Variants in PPCS observed in about 807,000 individuals in gnomAD.
PPCS encodes phosphopantothenate--cysteine ligase.
PPCS carries 17 observed loss-of-function variants against 24.6 expected under a neutral mutation model. That is an observed-to-expected ratio of 0.69 (90% CI 0.47 to 1.04). The LOEUF (loss-of-function observed/expected upper bound fraction) is 1.04. PPCS is among the 50% of genes least tolerant of loss of function. The pLI is 0.00. For synonymous variants in PPCS, 190 were observed against 168.3 expected, an observed-to-expected ratio of 1.13 and a Z score of -1.00; for missense variants, 360 against 402.8, an observed-to-expected ratio of 0.89 and a Z score of 0.91.
In PPCS at chr1:42,456,554, G is replaced by C. The variant is rs1053024871; in HGVS notation, c.-12G>C. ...CGCGAAACGTGCGCAGGCGCCGGCCGCTGCGCTGCAGATGGCGGAAATGGA... is the reference window on the plus strand; with the variant it reads ...CGCGAAACGTGCGCAGGCGCCGGCCCCTGCGCTGCAGATGGCGGAAATGGA... On this transcript the variant is annotated 5_prime_UTR_variant, in exon 1 of 3. Transcript: ENST00000372561. 6.9e-7 allele frequency: 1 copy of C among 1,458,408 alleles called. No homozygotes were observed. The highest frequency in any genetic ancestry group is 9.0e-7 in the Non-Finnish European group (1 of 1,107,878). The allele number at this position is 1,458,408 out of a possible 1,614,324, so 90.3% of individuals were successfully genotyped here.
chr1:42,473,161 AAAG>A (rs1643823953), exon 3 of PPCS: 1 of 1,230,570 alleles, frequency 8.1e-7, no homozygotes, highest in African/African-American at 1.6e-5. Flanking sequence ...CCATCTTGAA[AAAG>A]AAGAAATCAA....
At chr1:42,466,126 GAAAATAGAAGAAAGAAA>G, downstream of PPCS, among the ~76,000 whole-genome samples, 1 of 152,294 alleles carries the variant, frequency 6.6e-6, no homozygotes, top group East Asian at 1.9e-4. Flanking sequence ...GAAAGGAGTG[GAAAATAGAAGAAAGAAA>G]GGTTACAGTG....
chr1:42,467,660 C>T (rs1643632542), intron 2 of PPCS: 1 of 152,204 alleles, frequency 6.6e-6, no homozygotes, highest in African/African-American at 2.4e-5. Context: ...AGCTTATAGC[C>T]TCTTCTCTGG....
At chr1:42,458,806 G>C (rs72950589) in intron 2 of PPCS, among the ~76,000 whole-genome samples, 1 of 152,188 alleles carries the variant, frequency 6.6e-6, no homozygotes, top group Non-Finnish European at 1.5e-5. Flanking sequence ...GGTACTAGGA[G>C]TTTTGGTCAA....
At chr1:42,458,351 T>G (rs1643298855) in intron 2 of PPCS, among the ~76,000 whole-genome samples, 1 of 152,160 alleles carries the variant, frequency 6.6e-6, no homozygotes, top group African/African-American at 2.4e-5. Context: ...TGATTTTAGA[T>G]TTTTGGAACC....
intron 2 of PPCS, among the ~76,000 whole-genome samples, chr1:42,466,328 G>A (rs1643580970): frequency 6.6e-6 from 1 of 152,052 alleles, no homozygotes; most frequent in Admixed American, 6.5e-5. Flanking sequence ...TACCTACCAG[G>A]AGAAAAAACA....
rs561964772 is a variant in PPCS at position 42,459,552 on chromosome 1, G to T, written c.613-51G>T. On this transcript the variant is annotated intron_variant, in intron 2 of 2. Coordinates refer to ENST00000372561, the MANE Select transcript of PPCS (RefSeq NM_024664.4). Reference sequence around the variant, plus strand: ...CCTTAGTTTCCCATGAGATTGACCTGGTAGGTAATGACCATTGTTTGCTTA... The same window carrying T: ...CCTTAGTTTCCCATGAGATTGACCTTGTAGGTAATGACCATTGTTTGCTTA... 18 of 1,432,534 alleles carry T rather than the reference G, an allele frequency of 1.3e-5. No individual in the cohort carries two copies. The East Asian group carries it at 3.9e-4, about 31-fold the overall frequency. The allele number at this position is 1,432,534 out of a possible 1,614,324, so 88.7% of individuals were successfully genotyped here.
Position 42,457,333 on chromosome 1 carries a change from T to G in PPCS, c.595T>G (p.Ser199Ala), listed in dbSNP as rs1210831782. 1 of 1,614,110 alleles carries G rather than the reference T, an allele frequency of 6.2e-7. No homozygotes were observed. The highest frequency in any genetic ancestry group is 8.5e-7 in the Non-Finnish European group (1 of 1,179,952). The change falls in exon 2 of 3, where the codon TCT becomes GCT. Residue 199 changes from serine (S) to alanine (A), a missense_variant. Coordinates refer to ENST00000372561, the MANE Select transcript of PPCS (RefSeq NM_024664.4). ...AATGCCTGAACACAAGATCCAGTCA[T>G]CTGGGGGCCCACTGCAGGTGATGGG... ...SEMPEHKIQS[S>A]GGPLQITMKM...
At chr1:42,456,444 G>C (rs1643182780), upstream of PPCS, 2 of 1,050,446 alleles carry the variant, frequency 1.9e-6, no homozygotes, top group Non-Finnish European at 1.3e-6. Context: ...TCGGGACCTA[G>C]TGTCAAAAGA....
At chr1:42,464,461 G>A (rs1199971944), downstream of PPCS, among the ~76,000 whole-genome samples, 1 of 152,188 alleles carries the variant, frequency 6.6e-6, no homozygotes, top group Non-Finnish European at 1.5e-5. Context: ...TTTCTGGAGA[G>A]GAGATGATTG....
downstream of PPCS, among the ~76,000 whole-genome samples, chr1:42,465,347 T>C (rs1254145566): frequency 1.3e-5 from 2 of 151,848 alleles, no homozygotes. Flanking sequence ...GGACAGTTTT[T>C]TTTGTTTTTG....
downstream of PPCS, chr1:42,464,132 G>A (rs559264161): frequency 6.6e-6 from 1 of 152,310 alleles, no homozygotes; most frequent in South Asian, 2.1e-4. Context: ...CAGCTCTGCA[G>A]TCATTGGGAA....
chr1:42,459,290 G>A (rs905199572), intron 2 of PPCS: 1 of 274,076 alleles, frequency 3.6e-6, no homozygotes, highest in Non-Finnish European at 7.0e-6. Context: ...AGCCTCCTGA[G>A]TAGCTGGGAC....
intron 2 of PPCS, among the ~76,000 whole-genome samples, chr1:42,472,024 G>A (rs1643785412): frequency 6.6e-6 from 1 of 152,118 alleles, no homozygotes; most frequent in Non-Finnish European, 1.5e-5. Flanking sequence ...AATAGTTAGT[G>A]GTTTTAATCA....
intron 2 of PPCS, among the ~76,000 whole-genome samples, chr1:42,468,088 A>G (rs901071402): frequency 2.6e-5 from 4 of 152,200 alleles, no homozygotes; most frequent in Non-Finnish European, 5.9e-5. Flanking sequence ...AGTTTCCAGC[A>G]TATGTCCTTG....
chr1:42,466,077 T>G (rs1237541671), downstream of PPCS, among the ~76,000 whole-genome samples: 8 of 152,258 alleles, frequency 5.3e-5, no homozygotes, highest in Non-Finnish European at 8.8e-5. Context: ...AATATGTATT[T>G]TATTTAAGAT....
chr1:42,459,425 T>G, intron 2 of PPCS, 178 bp from the exon 3 acceptor site: 1 of 630,854 alleles, frequency 1.6e-6, no homozygotes, highest in Non-Finnish European at 2.7e-6. Context: ...CCTTCCAAAG[T>G]GCTGGGATTA....
At chr1:42,465,132 A>G (rs918411645), downstream of PPCS, among the ~76,000 whole-genome samples, 11 of 152,294 alleles carry the variant, frequency 7.2e-5, no homozygotes, top group African/African-American at 2.6e-4. Flanking sequence ...CAAACATGGC[A>G]AAAACCTGAC....
chr1:42,473,291 T>C, exon 3 of PPCS: 4 of 1,230,600 alleles, frequency 3.3e-6, no homozygotes, highest in Non-Finnish European at 4.1e-6. Flanking sequence ...AGCACATGGG[T>C]GAAACAAAAG....
Sources: allele counts gnomAD v4.1 joint callset (sites outside exome capture counted in the v4.1 genomes callset), GRCh38; gene constraint gnomAD v4.1.1; transcripts MANE v1.5; gene names NCBI Gene and HGNC (gene_info 2026-07-23, HGNC 2026-07-21).